Variants in TBC1D19 observed in about 807,000 individuals in gnomAD.
TBC1D19 encodes the protein TBC1 domain family member 19, also known as TBC1 domain family, member 19.
A neutral mutation model predicts 89.0 loss-of-function variants in TBC1D19; 60 were observed. The observed-to-expected ratio is 0.67, with a 90% CI of 0.55 to 0.84. TBC1D19 has a LOEUF of 0.84. Among genes scored for constraint, TBC1D19 ranks in the 40% least tolerant of loss-of-function variants. The pLI is 0.00. For synonymous variants in TBC1D19, 189 were observed against 199.7 expected, an observed-to-expected ratio of 0.95 and a Z score of 0.45; for missense variants, 500 against 610.8, an observed-to-expected ratio of 0.82 and a Z score of 1.91.
At chr4:26,688,521 G>C in intron 13 of TBC1D19, 114 bp downstream of exon 13, 1 of 1,258,184 alleles carries the variant, frequency 7.9e-7, no homozygotes, top group Non-Finnish European at 1.0e-6. Context: ...TGGCATGCTT[G>C]TCGGATGAAA....
At chr4:26,607,614 C>T (rs1741094508) in intron 1 of TBC1D19, among the ~76,000 whole-genome samples, 1 of 152,092 alleles carries the variant, frequency 6.6e-6, no homozygotes, top group Non-Finnish European at 1.5e-5. Flanking sequence ...TTCTATTATA[C>T]CTAAGGATTC....
chr4:26,627,943 A>G (rs1331506129), intron 4 of TBC1D19, among the ~76,000 whole-genome samples: 1 of 152,146 alleles, frequency 6.6e-6, no homozygotes, highest in Non-Finnish European at 1.5e-5. Flanking sequence ...TTGGTGTTTT[A>G]GACCTGAAGT....
chr4:26,605,160 G>GTCATTTAGCATTAGGTATAA, intron 1 of TBC1D19, among the ~76,000 whole-genome samples: 1 of 149,648 alleles, frequency 6.7e-6, no homozygotes, highest in Non-Finnish European at 1.5e-5. Flanking sequence ...CCATTAACTC[G>GTCATTTAGCATTAGGTATAA]TCATTTAGCA....
chr4:26,746,280 C>G (rs899571811), intron 18 of TBC1D19, among the ~76,000 whole-genome samples: 38 of 146,072 alleles, frequency 2.6e-4, no homozygotes, highest in African/African-American at 9.6e-4. Flanking sequence ...CTTTGTTGCT[C>G]AGGCTGGTCT....
At chr4:26,631,774 CATCTT>C (rs1266020484) in intron 4 of TBC1D19, among the ~76,000 whole-genome samples, 3 of 152,068 alleles carry the variant, frequency 2.0e-5, no homozygotes, top group Non-Finnish European at 4.4e-5. Flanking sequence ...TAATGACACA[CATCTT>C]ATAGGTTAGT....
chr4:26,673,475 A>ACACACACACACACACAC (rs1560463426), intron 10 of TBC1D19, among the ~76,000 whole-genome samples: 2 of 148,052 alleles, frequency 1.4e-5, no homozygotes, highest in African/African-American at 5.0e-5. Flanking sequence ...ACACACACAC[A>ACACACACACACACACAC]ATACTAGTTT....
chr4:26,657,855 A>G (rs1381553893), intron 7 of TBC1D19, among the ~76,000 whole-genome samples: 1 of 152,008 alleles, frequency 6.6e-6, no homozygotes, highest in Admixed American at 6.6e-5. Context: ...AGCATTTTTT[A>G]TATGTTTCTT....
intron 13 of TBC1D19, among the ~76,000 whole-genome samples, chr4:26,716,724 A>G (rs1716639414): frequency 6.6e-6 from 1 of 152,102 alleles, no homozygotes; most frequent in South Asian, 2.1e-4. Context: ...AGCAGTCTGA[A>G]AGGATATACC....
the TBC1D19 span, among the ~76,000 whole-genome samples, chr4:26,792,285 A>G: frequency 3.3e-5 from 5 of 152,300 alleles, no homozygotes; most frequent in African/African-American, 9.6e-5. Context: ...AGGTTTATAC[A>G]TTCTGTCAGT....
At chr4:26,721,975 G>A (rs920037724) in intron 15 of TBC1D19, among the ~76,000 whole-genome samples, 2 of 151,922 alleles carry the variant, frequency 1.3e-5, no homozygotes, top group Admixed American at 6.6e-5. Flanking sequence ...TTAGGCTAAG[G>A]GCCCTTCCTC....
the TBC1D19 span, among the ~76,000 whole-genome samples, chr4:26,857,402 C>T: frequency 6.6e-6 from 1 of 152,218 alleles, no homozygotes; most frequent in African/African-American, 2.4e-5. Context: ...CATTCCAGGG[C>T]CACGCAGGGA....
chr4:26,578,928 A>G (rs2109918887), intron 1 of TBC1D19, among the ~76,000 whole-genome samples: 1 of 152,298 alleles, frequency 6.6e-6, no homozygotes, highest in Non-Finnish European at 1.5e-5. Flanking sequence ...TGCTTTCTTC[A>G]CAAGTCATCA....
intron 17 of TBC1D19, among the ~76,000 whole-genome samples, chr4:26,740,408 T>G (rs1316105887): frequency 3.9e-5 from 6 of 152,212 alleles, no homozygotes; most frequent in Admixed American, 3.3e-4. Flanking sequence ...GTTGTTATAA[T>G]TATAATCATC....
the TBC1D19 span, among the ~76,000 whole-genome samples, chr4:26,790,891 A>G: frequency 5.9e-5 from 9 of 152,318 alleles, 1 homozygote; most frequent in South Asian, 1.9e-3. Flanking sequence ...AATTATTAAA[A>G]TAATTTGCTT....
At chr4:26,605,725 G>A (rs1316317787) in intron 1 of TBC1D19, among the ~76,000 whole-genome samples, 1 of 152,138 alleles carries the variant, frequency 6.6e-6, no homozygotes, top group East Asian at 1.9e-4. Context: ...GTTGTTTCCT[G>A]ACTTTTTAAT....
intron 17 of TBC1D19, chr4:26,740,894 C>T (rs564181853): frequency 3.8e-5 from 37 of 985,206 alleles, no homozygotes; most frequent in Non-Finnish European, 4.3e-5. Context: ...TTTCATACAT[C>T]GCTAGTGAAA....
chr4:26,721,623 A>AT (rs1716981316), intron 15 of TBC1D19, among the ~76,000 whole-genome samples: 1 of 152,024 alleles, frequency 6.6e-6, no homozygotes, highest in Admixed American at 6.6e-5. Context: ...GCAAATTGCC[A>AT]TTTTTCTCAA....
At chr4:26,612,939 C>G (rs1318710116) in intron 1 of TBC1D19, among the ~76,000 whole-genome samples, 1 of 152,004 alleles carries the variant, frequency 6.6e-6, no homozygotes. Context: ...TTTTAGTAGA[C>G]TTTAGTATAC....
In TBC1D19 at chr4:26,678,958, A is replaced by G. The variant is rs140047297; in HGVS notation, c.817-4717A>G. ...GCACTTGAGAGAGTTAATTTAGGGT[A>G]AGTATCTGGTGGAAGAAATTTCTAA... is the stretch of plus-strand genomic sequence containing the variant. On this transcript the variant is annotated intron_variant, in intron 11 of 20. Transcript: ENST00000264866. Among the ~76,000 whole-genome samples the G allele has an allele frequency of 4.0e-3, 603 of 152,280 alleles. 6 individuals are homozygous for G. The highest frequency in any genetic ancestry group is 0.014 in the African/African-American group (562 of 41,556).
Sources: allele counts gnomAD v4.1 joint callset (sites outside exome capture counted in the v4.1 genomes callset), GRCh38; gene constraint gnomAD v4.1.1; transcripts MANE v1.5; gene names NCBI Gene and HGNC (gene_info 2026-07-23, HGNC 2026-07-21).